NUP210L: variants seen among roughly 807,000 people sequenced by gnomAD.
The protein encoded by NUP210L is nuclear pore membrane glycoprotein 210-like.
NUP210L carries 74 observed loss-of-function variants against 208.5 expected under a neutral mutation model. That is an observed-to-expected ratio of 0.35 (90% CI 0.29 to 0.43). The LOEUF is 0.43. NUP210L is among the 20% of genes least tolerant of loss of function. NUP210L has a pLI of 1.00. For synonymous variants in NUP210L, 780 were observed against 816.9 expected (o/e 0.95, Z 0.77); for missense variants, 1,843 against 2,289.4 (o/e 0.81, Z 3.98).
chr1:154,022,261 C>G (rs747746939), exon 32 of NUP210L: 1 of 1,614,160 alleles, frequency 6.2e-7, no homozygotes, highest in East Asian at 2.2e-5. Context: ...TCCCAAAGCC[C>G]CACAAGTGTC....
intron 17 of NUP210L, among the ~76,000 whole-genome samples, 155 bp from the exon 18 acceptor site, chr1:154,061,829 T>TTTTTTG (rs1654157495): frequency 6.6e-6 from 1 of 151,968 alleles, no homozygotes. Flanking sequence ...GAAAAAACTG[T>TTTTTTG]TTTTTGTTTT....
At chr1:154,104,825 G>A (rs1656664904) in intron 12 of NUP210L, among the ~76,000 whole-genome samples, 1 of 152,022 alleles carries the variant, frequency 6.6e-6, no homozygotes, top group Non-Finnish European at 1.5e-5. Context: ...GGCAAGTTCT[G>A]GTGCTGTGCT....
chr1:154,114,860 G>T (rs1657237100), intron 12 of NUP210L, among the ~76,000 whole-genome samples: 1 of 151,932 alleles, frequency 6.6e-6, no homozygotes, highest in Admixed American at 6.6e-5. Flanking sequence ...GCCACTCAAA[G>T]GTGTTGGGAT....
chr1:154,012,493 C>T (rs1650982771), intron 33 of NUP210L, 123 bp from the exon 34 acceptor site: 2 of 856,120 alleles, frequency 2.3e-6, no homozygotes, highest in African/African-American at 1.7e-5. Context: ...GATTCCATCT[C>T]ATGACCACAT....
At position 154,036,490 on chromosome 1, in the gene NUP210L, G is replaced by C. The variant is rs1157696233; in HGVS notation, c.3697-6436C>G. Among the ~76,000 whole-genome samples the C allele has an allele frequency of 2.0e-5, 3 of 149,510 alleles. No individual in the cohort carries two copies. In the East Asian group the frequency reaches 6.0e-4, roughly 30 times the overall value. ...AGCAAGTCTCCTACCTCAGCCTCCT[G>C]AGTAGCTGGGATTACAGGTGCCCAC... On this transcript the variant is annotated intron_variant, in intron 27 of 39. Transcript: ENST00000368559.
chr1:154,105,319 G>A (rs1297661214), intron 12 of NUP210L, among the ~76,000 whole-genome samples: 1 of 152,118 alleles, frequency 6.6e-6, no homozygotes, highest in African/African-American at 2.4e-5. Context: ...GCGAAACCCT[G>A]TCTCTACTAA....
chr1:153,996,907 A>G (rs1464798950), intron 37 of NUP210L, among the ~76,000 whole-genome samples: 10 of 136,500 alleles, frequency 7.3e-5, no homozygotes, highest in Non-Finnish European at 1.4e-4. Context: ...TGGTGCAGTC[A>G]TGGCTTACTG....
chr1:154,130,573 C>T (rs2148124101), intron 7 of NUP210L, among the ~76,000 whole-genome samples: 1 of 147,534 alleles, frequency 6.8e-6, no homozygotes, highest in Non-Finnish European at 1.5e-5. Flanking sequence ...GCGCCTGGCC[C>T]CAATTTTTTT....
At chr1:153,998,597 C>T (rs965412259) in intron 37 of NUP210L, among the ~76,000 whole-genome samples, 1 of 150,600 alleles carries the variant, frequency 6.6e-6, no homozygotes, top group East Asian at 1.9e-4. Context: ...CAATTTTTCT[C>T]CACTTGGGTA....
At chr1:153,995,703 A>G in intron 37 of NUP210L, 1 of 1,009,926 alleles carries the variant, frequency 9.9e-7, no homozygotes, top group Non-Finnish European at 1.5e-6. Context: ...GGCTGTCCCA[A>G]ACCCTTGGTA....
intron 12 of NUP210L, among the ~76,000 whole-genome samples, chr1:154,107,930 G>A (rs1421270766): frequency 6.6e-6 from 1 of 151,920 alleles, no homozygotes; most frequent in Non-Finnish European, 1.5e-5. Context: ...AGAAAAGAAT[G>A]AAGTTCTAGA....
intron 28 of NUP210L, 86 bp downstream of exon 28, chr1:154,029,810 C>T: frequency 9.5e-7 from 1 of 1,050,578 alleles, no homozygotes. Context: ...CTGTCTCTAT[C>T]CAGACTAAGC....
intron 12 of NUP210L, among the ~76,000 whole-genome samples, chr1:154,110,272 C>T (rs1656976788): frequency 6.7e-6 from 1 of 150,348 alleles, no homozygotes; most frequent in African/African-American, 2.5e-5. Flanking sequence ...AAAAAACAAC[C>T]CAATGTTGTA....
intron 27 of NUP210L, among the ~76,000 whole-genome samples, chr1:154,039,235 C>CTTTTT (rs76369289): frequency 7.4e-6 from 1 of 135,252 alleles, no homozygotes; most frequent in Non-Finnish European, 1.6e-5. Flanking sequence ...TTCTGGGAAA[C>CTTTTT]TTTTTTTTTT....
At chr1:154,103,130 A>T (rs552349394) in intron 13 of NUP210L, among the ~76,000 whole-genome samples, 174 of 152,182 alleles carry the variant, frequency 1.1e-3, no homozygotes, top group Middle Eastern at 3.4e-3. Flanking sequence ...GCAGTGGCTC[A>T]CGCCTGTAAT....
chr1:154,054,371 C>A, exon 25 of NUP210L: 1 of 1,614,098 alleles, frequency 6.2e-7, no homozygotes, highest in African/African-American at 1.3e-5. Context: ...GAGAAGTGAA[C>A]GATGGATTGG....
intron 36 of NUP210L, 37 bp downstream of exon 36, chr1:154,001,698 G>T (rs777492512): frequency 6.3e-7 from 1 of 1,596,962 alleles, no homozygotes; most frequent in South Asian, 1.1e-5. Context: ...TCAAATTCCT[G>T]ATCTCTTGTT....
chr1:154,077,421 A>G (rs1026300956), intron 16 of NUP210L, among the ~76,000 whole-genome samples: 2 of 152,068 alleles, frequency 1.3e-5, no homozygotes, highest in Non-Finnish European at 2.9e-5. Context: ...CTGCCAGCCA[A>G]CAATTCTATA....
At chr1:154,103,689 G>C (rs201461868) in intron 13 of NUP210L, among the ~76,000 whole-genome samples, 3 of 124,564 alleles carry the variant, frequency 2.4e-5, no homozygotes, top group African/African-American at 5.9e-5. Flanking sequence ...AAAAAAAAAA[G>C]AAAAAAAAAA....
Sources: allele counts gnomAD v4.1 joint callset (sites outside exome capture counted in the v4.1 genomes callset), GRCh38; gene constraint gnomAD v4.1.1; transcripts MANE v1.5; gene names NCBI Gene and HGNC (gene_info 2026-07-23, HGNC 2026-07-21).